MAGI2: variants seen among roughly 807,000 people sequenced by gnomAD.
The protein encoded by MAGI2 is membrane-associated guanylate kinase, WW and PDZ domain-containing protein 2.
In MAGI2, 35 loss-of-function variants were observed where a neutral mutation model predicts 133.3. That is an observed-to-expected ratio of 0.26 (90% CI 0.20 to 0.35). The LOEUF (loss-of-function observed/expected upper bound fraction) is 0.35, where lower values mean the gene tolerates loss of function less well. Ranked by LOEUF, MAGI2 falls within the 10% of genes least tolerant of loss-of-function variation. The probability of loss-of-function intolerance (pLI) is 1.00; values close to 1 mark genes in which losing one functional copy is unlikely to be tolerated. For synonymous variants in MAGI2, 729 were observed against 710.6 expected, an observed-to-expected ratio of 1.03 and a Z score of -0.41; for missense variants, 1,636 against 1,863.4, an observed-to-expected ratio of 0.88 and a Z score of 2.25.
chr7:78,369,044 T>G (rs567986994), intron 7 of MAGI2, 112 bp downstream of exon 7: 1 of 692,840 alleles, frequency 1.4e-6, no homozygotes, highest in Non-Finnish European at 2.4e-6. Flanking sequence ...TACTTCAAAG[T>G]AAGATGAAAG....
At chr7:78,652,651 C>T (rs1330256695) in intron 2 of MAGI2, among the ~76,000 whole-genome samples, 2 of 152,100 alleles carry the variant, frequency 1.3e-5, no homozygotes, top group Non-Finnish European at 2.9e-5. Flanking sequence ...AGTTTAAAGA[C>T]TTAAACCTAA....
At chr7:79,128,009 T>C in intron 1 of MAGI2, among the ~76,000 whole-genome samples, 1 of 152,180 alleles carries the variant, frequency 6.6e-6, no homozygotes, top group East Asian at 1.9e-4. Flanking sequence ...GTTTCAGCTT[T>C]CTACATATGG....
intron 1 of MAGI2, among the ~76,000 whole-genome samples, chr7:79,294,987 C>T (rs1836816681): frequency 6.6e-6 from 1 of 151,800 alleles, no homozygotes. Context: ...ATCTGCCCGC[C>T]TCGGCCTCCC....
At chr7:79,325,436 T>A (rs1839616282) in intron 1 of MAGI2, among the ~76,000 whole-genome samples, 1 of 152,218 alleles carries the variant, frequency 6.6e-6, no homozygotes, top group African/African-American at 2.4e-5. Context: ...AGAGTATTTC[T>A]AGATATACTC....
chr7:79,251,016 G>T lies in MAGI2; in HGVS notation c.301+202004C>A, dbSNP rs375762532. The stretch of plus-strand genomic sequence containing the variant: ...GACAGTCTCTTCAATAAATGCTGCT[G>T]GGAAAGCTGGATATCCATATGCAGA... On this transcript the variant is annotated intron_variant, in intron 1 of 21. Transcript: ENST00000354212. 1.2e-4 allele frequency among the ~76,000 whole-genome samples: 19 copies of T among 152,234 alleles called. No individual in the cohort carries two copies. The East Asian group carries it at 1.4e-3, about 11-fold the overall frequency.
At chr7:78,312,339 T>C (rs1798779410) in intron 9 of MAGI2, among the ~76,000 whole-genome samples, 5 of 152,138 alleles carry the variant, frequency 3.3e-5, no homozygotes, top group Admixed American at 3.3e-4. Context: ...CCTAAACTTC[T>C]TATGTAGCAG....
rs570100484 is a variant in MAGI2 at position 78,279,566 on chromosome 7, G to C, written c.1409-22985C>G. Among the ~76,000 whole-genome samples, 23 of 152,244 alleles carry C rather than the reference G, an allele frequency of 1.5e-4. No homozygotes were observed. The South Asian group carries it at 4.8e-3, about 32-fold the overall frequency. On this transcript the variant is annotated intron_variant, in intron 9 of 21. Transcript: ENST00000354212. ...CCTCAGGGCATCTTAGCTGCAGCTA[G>C]GAAATAAAGAAGGGAGAAGTCAGGT...
At chr7:78,540,335 A>G (rs779310811) in intron 3 of MAGI2, among the ~76,000 whole-genome samples, 2 of 152,162 alleles carry the variant, frequency 1.3e-5, no homozygotes, top group Non-Finnish European at 2.9e-5. Context: ...CCTCTGTTGT[A>G]TAACACAGGT....
chr7:78,430,535 A>T (rs1414786149), intron 6 of MAGI2, among the ~76,000 whole-genome samples: 1 of 152,042 alleles, frequency 6.6e-6, no homozygotes, highest in African/African-American at 2.4e-5. Context: ...ATTATAAACC[A>T]TTTCTTCTGA....
At chr7:78,091,775 G>A (rs1053986707) in intron 20 of MAGI2, among the ~76,000 whole-genome samples, 4 of 152,168 alleles carry the variant, frequency 2.6e-5, no homozygotes, top group Admixed American at 6.5e-5. Context: ...ATTTTACTTG[G>A]TTCAGAGATA....
chr7:78,397,688 G>A (rs1407777048), intron 6 of MAGI2, among the ~76,000 whole-genome samples: 3 of 152,224 alleles, frequency 2.0e-5, no homozygotes, highest in South Asian at 4.1e-4. Flanking sequence ...AACATTTACA[G>A]ACTTCTAAGA....
intron 1 of MAGI2, among the ~76,000 whole-genome samples, chr7:79,241,143 T>C (rs1201014322): frequency 2.6e-5 from 4 of 152,176 alleles, no homozygotes; most frequent in Non-Finnish European, 4.4e-5. Flanking sequence ...CCATCCCAAA[T>C]TCATTGTTAC....
chr7:78,953,556 A>C (rs1802041822), intron 2 of MAGI2, among the ~76,000 whole-genome samples: 1 of 152,174 alleles, frequency 6.6e-6, no homozygotes. Context: ...TTATTGTCAT[A>C]TTTAAATTAT....
chr7:78,248,546 A>C (rs923301958), intron 10 of MAGI2, among the ~76,000 whole-genome samples: 3 of 152,198 alleles, frequency 2.0e-5, no homozygotes. Flanking sequence ...CCTTAAGGAC[A>C]CACAGAGGCT....
chr7:79,342,492 T>G (rs528607293), intron 1 of MAGI2, among the ~76,000 whole-genome samples: 1 of 152,336 alleles, frequency 6.6e-6, no homozygotes, highest in African/African-American at 2.4e-5. Context: ...AGTTTTTCTC[T>G]GTAAAATGAT....
chr7:78,049,396 T>C (rs1306562690), intron 21 of MAGI2, among the ~76,000 whole-genome samples: 5 of 152,164 alleles, frequency 3.3e-5, no homozygotes, highest in Admixed American at 3.3e-4. Flanking sequence ...AGGCCCAGAG[T>C]TGAAGTTTTT....
chr7:78,781,680 T>C (rs1341299087), intron 2 of MAGI2, among the ~76,000 whole-genome samples: 2 of 152,114 alleles, frequency 1.3e-5, no homozygotes, highest in African/African-American at 4.8e-5. Flanking sequence ...GGGAAAGAAA[T>C]AGCTTACATA....
rs139073789 is a variant in MAGI2 at position 79,396,964 on chromosome 7, G to C, written c.301+56056C>G. ...TTTTTAAGTATAAAAATGTTAGAGAGATAAAAATTAGGATGTAAATTAAAA... is the reference window on the plus strand; with the variant it reads ...TTTTTAAGTATAAAAATGTTAGAGACATAAAAATTAGGATGTAAATTAAAA... On this transcript the variant is annotated intron_variant, in intron 1 of 21. Transcript: ENST00000354212. Among the ~76,000 whole-genome samples, 353 of 151,904 alleles carry C rather than the reference G, an allele frequency of 2.3e-3. 2 individuals are homozygous for C. Among genetic ancestry groups the C allele is most frequent in the African/African-American group, 8.4e-3 (347 of 41,492 alleles).
At chr7:78,569,627 T>A (rs1236345482) in intron 3 of MAGI2, among the ~76,000 whole-genome samples, 2 of 152,114 alleles carry the variant, frequency 1.3e-5, no homozygotes, top group East Asian at 3.8e-4. Flanking sequence ...CAGTAATATT[T>A]AAAAAAAATA....
Sources: gnomAD v4.1 joint callset for allele counts (sites outside exome capture counted in the v4.1 genomes callset) on GRCh38, gnomAD v4.1.1 for gene constraint, MANE v1.5 for transcripts, NCBI Gene and HGNC (gene_info 2026-07-23, HGNC 2026-07-21) for gene names.